Variants in ZDHHC14 observed in about 807,000 individuals in gnomAD.
The protein encoded by ZDHHC14 is palmitoyltransferase ZDHHC14.
Under a neutral mutation model 47.7 loss-of-function variants are expected in ZDHHC14, and 16 were observed. That is an observed-to-expected ratio of 0.34 (90% confidence interval 0.23 to 0.51). The LOEUF (loss-of-function observed/expected upper bound fraction) is 0.51, where lower values mean the gene tolerates loss of function less well. ZDHHC14 is among the 20% of genes least tolerant of loss of function. The pLI is 0.97. For missense variants in ZDHHC14, 515 were observed against 662.5 expected (o/e 0.78, Z 2.44); for synonymous variants, 293 against 278.9 (o/e 1.05, Z -0.50).
At chr6:157,588,678 C>G (rs1208807463) in intron 2 of ZDHHC14, among the ~76,000 whole-genome samples, 1 of 152,164 alleles carries the variant, frequency 6.6e-6, no homozygotes, top group Non-Finnish European at 1.5e-5. Context: ...GTGATGTGGC[C>G]CCTCACCTGA....
chr6:157,510,818 G>C (rs1260359705), intron 1 of ZDHHC14, among the ~76,000 whole-genome samples: 1 of 152,214 alleles, frequency 6.6e-6, no homozygotes, highest in Admixed American at 6.5e-5. Context: ...AGGCGCCCAG[G>C]GATGGCCACC....
At chr6:157,439,323 A>G (rs1583645617) in intron 1 of ZDHHC14, among the ~76,000 whole-genome samples, 1 of 152,332 alleles carries the variant, frequency 6.6e-6, no homozygotes, top group Non-Finnish European at 1.5e-5. Context: ...ACAAGAAAAA[A>G]CAACCCTATT....
At chr6:157,585,889 C>G (rs113342483) in intron 2 of ZDHHC14, among the ~76,000 whole-genome samples, 15,385 of 152,278 alleles carry the variant, frequency 0.1, 1,016 homozygotes, top group Admixed American at 0.22. Flanking sequence ...GCTATAGGCA[C>G]AAGAGTGGCC....
At chr6:157,653,693 A>G in intron 8 of ZDHHC14, 66 bp downstream of exon 8, 2 of 1,516,540 alleles carry the variant, frequency 1.3e-6, no homozygotes, top group Non-Finnish European at 1.8e-6. Context: ...CTAACAGGCC[A>G]CCAAGCAGCC....
chr6:157,555,379 G>C (rs1782417485), intron 2 of ZDHHC14, among the ~76,000 whole-genome samples: 1 of 152,178 alleles, frequency 6.6e-6, no homozygotes, highest in Non-Finnish European at 1.5e-5. Context: ...CTGTCCTGTA[G>C]CTGAACAAAC....
chr6:157,669,472 C>T (rs77900073), intron 8 of ZDHHC14, among the ~76,000 whole-genome samples: 17,279 of 152,148 alleles, frequency 0.11, 1,136 homozygotes, highest in Admixed American at 0.18. Flanking sequence ...GAGAGGAGCC[C>T]GCCTCTGCCC....
At chr6:157,671,675 G>A (rs539378582) in intron 8 of ZDHHC14, among the ~76,000 whole-genome samples, 60 of 152,272 alleles carry the variant, frequency 3.9e-4, no homozygotes, top group African/African-American at 1.4e-3. Context: ...CAGAGGACAC[G>A]AGGCAGATAT....
intron 1 of ZDHHC14, among the ~76,000 whole-genome samples, chr6:157,386,072 C>T (rs1354548647): frequency 6.6e-6 from 1 of 152,110 alleles, no homozygotes; most frequent in Non-Finnish European, 1.5e-5. Context: ...ATAAATGGTT[C>T]ATATTGTTAG....
intron 2 of ZDHHC14, among the ~76,000 whole-genome samples, chr6:157,552,889 C>T (rs897276201): frequency 6.6e-6 from 1 of 152,228 alleles, no homozygotes. Flanking sequence ...TGCCAAACTA[C>T]ACACTCAGAC....
chr6:157,467,292 A>G (rs1459070082), intron 1 of ZDHHC14, among the ~76,000 whole-genome samples: 1 of 151,984 alleles, frequency 6.6e-6, no homozygotes, highest in African/African-American at 2.4e-5. Flanking sequence ...CTAAAAAGAA[A>G]CCCATACCCA....
intron 1 of ZDHHC14, among the ~76,000 whole-genome samples, chr6:157,423,927 T>C (rs1778161415): frequency 6.6e-6 from 1 of 152,216 alleles, no homozygotes; most frequent in Non-Finnish European, 1.5e-5. Flanking sequence ...AGCACACTGG[T>C]TCAGGCATCC....
intron 2 of ZDHHC14, among the ~76,000 whole-genome samples, chr6:157,584,789 G>A (rs1214085692): frequency 1.3e-5 from 2 of 152,164 alleles, no homozygotes; most frequent in African/African-American, 2.4e-5. Flanking sequence ...CTAGATGTAA[G>A]TGCTGTTATT....
intron 1 of ZDHHC14, among the ~76,000 whole-genome samples, chr6:157,492,200 G>GC (rs200680158): frequency 8.8e-4 from 71 of 81,128 alleles, no homozygotes; most frequent in African/African-American, 2.7e-3. Context: ...TCCCCCCTCC[G>GC]CCCCCGCCCC....
chr6:157,454,935 T>G (rs547541878), intron 1 of ZDHHC14, among the ~76,000 whole-genome samples: 10 of 152,294 alleles, frequency 6.6e-5, no homozygotes, highest in African/African-American at 2.4e-4. Flanking sequence ...CTTTTGTGAG[T>G]GCCTCTGACA....
At chr6:157,561,927 G>A (rs1007029044) in intron 2 of ZDHHC14, among the ~76,000 whole-genome samples, 15 of 152,138 alleles carry the variant, frequency 9.9e-5, no homozygotes, top group African/African-American at 3.6e-4. Flanking sequence ...GAATTTAAAA[G>A]TTAAACGCAG....
intron 3 of ZDHHC14, among the ~76,000 whole-genome samples, chr6:157,623,293 A>G (rs1785266419): frequency 6.6e-6 from 1 of 152,096 alleles, no homozygotes; most frequent in Non-Finnish European, 1.5e-5. Flanking sequence ...TATTCTCATG[A>G]TAGTGAGTGA....
At chr6:157,499,507 A>G (rs1221773728) in intron 1 of ZDHHC14, among the ~76,000 whole-genome samples, 2 of 145,494 alleles carry the variant, frequency 1.4e-5, no homozygotes, top group East Asian at 4.0e-4. Flanking sequence ...ATCCCATTGG[A>G]AGTTAGGGTT....
intron 2 of ZDHHC14, among the ~76,000 whole-genome samples, chr6:157,545,426 C>T (rs1781932635): frequency 1.3e-5 from 2 of 151,712 alleles, no homozygotes. Context: ...CCTGTAATCC[C>T]AGCACTTTGG....
At chr6:157,425,123 A>G (rs1425282706) in intron 1 of ZDHHC14, among the ~76,000 whole-genome samples, 1 of 152,240 alleles carries the variant, frequency 6.6e-6, no homozygotes, top group Non-Finnish European at 1.5e-5. Flanking sequence ...AGGAATGGAC[A>G]TCAAGTTTTC....
Sources: allele counts gnomAD v4.1 joint callset (sites outside exome capture counted in the v4.1 genomes callset), GRCh38; gene constraint gnomAD v4.1.1; transcripts MANE v1.5; gene names NCBI Gene and HGNC (gene_info 2026-07-23, HGNC 2026-07-21).